Variants in XPNPEP3 observed in about 807,000 individuals in gnomAD.
XPNPEP3 encodes X-prolyl aminopeptidase 3.
Under a neutral mutation model 60.0 loss-of-function variants are expected in XPNPEP3, and 41 were observed. The observed-to-expected ratio is 0.68, with a 90% CI of 0.53 to 0.89. The LOEUF is 0.89. XPNPEP3 is among the 40% of genes least tolerant of loss of function. The pLI, the probability that XPNPEP3 is intolerant of heterozygous loss-of-function variation, is 0.00. For missense variants in XPNPEP3, 598 were observed against 638.9 expected, an observed-to-expected ratio of 0.94 and a Z score of 0.69; for synonymous variants, 212 against 223.2, an observed-to-expected ratio of 0.95 and a Z score of 0.45.
chr22:40,926,204 T>TA, intron 9 of XPNPEP3, 65 bp from the exon 10 acceptor site: 1 of 1,578,950 alleles, frequency 6.3e-7, no homozygotes, highest in Non-Finnish European at 8.7e-7. Flanking sequence ...GAGGTTAACT[T>TA]ACTTGCCCCA....
chr22:40,929,565 T>G lies in XPNPEP3; in HGVS notation c.*3130T>G, dbSNP rs1287822544. On this transcript the variant is annotated 3_prime_UTR_variant, in exon 10 of 10. Transcript: ENST00000357137. ...GTATGTATAGCAGCATACTTGGACA[T>G]GAAACACACTTCTGGTTAGATTCCA... 6.6e-6 allele frequency: 1 copy of G among 152,190 alleles called. No homozygotes were observed. Among genetic ancestry groups the G allele is most frequent in the Non-Finnish European group, 1.5e-5 (1 of 68,040 alleles). The allele number at this position is 152,190 out of a possible 1,614,324, so 9.4% of individuals were successfully genotyped here.
At chr22:40,908,990 A>G in intron 5 of XPNPEP3, 132 bp from the exon 6 acceptor site, 5 of 736,428 alleles carry the variant, frequency 6.8e-6, no homozygotes, top group Admixed American at 2.0e-5. Context: ...AGGTTTGGTT[A>G]GATATGATGA....
chr22:40,860,693 C>G (rs1431044086), intron 1 of XPNPEP3: 3 of 1,170,044 alleles, frequency 2.6e-6, no homozygotes, highest in Non-Finnish European at 3.6e-6. Context: ...TACTTTGTCA[C>G]CCAAGCTGGA....
rs772917522 is a variant in XPNPEP3, at chr22:40,924,435, C to A, written c.1310C>A (p.Pro437His). Residue 437 changes from proline to histidine, a missense_variant, in exon 9 of 10, where the codon CCC becomes CAC. By Grantham distance (77) the Pro-to-His change is moderately conservative. Coordinates refer to ENST00000357137, the MANE Select transcript of XPNPEP3 (RefSeq NM_022098.4). ...GMDVHDTPDM[P>H]RSLPLQPGMV... is the part of the protein sequence containing the mutation. ...GATGTCCATGACACTCCAGACATGC[C>A]CCGTTCCCTCCCTCTGCAGCCTGGG... The A allele has an allele frequency of 6.2e-7, 1 of 1,614,126 alleles. No homozygotes were observed. Among genetic ancestry groups the A allele is most frequent in the South Asian group, 1.1e-5 (1 of 91,072 alleles).
At chr22:40,895,177 A>G (rs1418373930) in intron 4 of XPNPEP3, among the ~76,000 whole-genome samples, 1 of 152,134 alleles carries the variant, frequency 6.6e-6, no homozygotes, top group Non-Finnish European at 1.5e-5. Flanking sequence ...CCTAGGAGGA[A>G]AAGACTACTT....
Position 40,929,818 on chromosome 22 carries a change from C to T in XPNPEP3, c.*3383C>T, listed in dbSNP as rs1056846616. ...TGATCTTACTCATTCTCAGCCATGCCGCAGACATACCCATTTCCCTTTAGT... is the reference window on the plus strand; with the variant it reads ...TGATCTTACTCATTCTCAGCCATGCTGCAGACATACCCATTTCCCTTTAGT... On this transcript the variant is annotated 3_prime_UTR_variant, in exon 10 of 10. Transcript: ENST00000357137. 16 of 152,110 alleles carry T rather than the reference C, an allele frequency of 1.1e-4. No homozygotes were observed. Among genetic ancestry groups the T allele is most frequent in the African/African-American group, 3.4e-4 (14 of 41,424 alleles). 9.4% of individuals were successfully genotyped at this position (152,110 alleles called of 1,614,324 possible). A position where few individuals can be genotyped will look rare whatever the true frequency, so the allele number is the denominator to read the frequency against.
At chr22:40,913,657 C>T (rs1367545692) in intron 6 of XPNPEP3, among the ~76,000 whole-genome samples, 2 of 151,818 alleles carry the variant, frequency 1.3e-5, no homozygotes, top group African/African-American at 4.8e-5. Context: ...GTAATTCAGT[C>T]CCAAGGAGTC....
chr22:40,912,057 T>A (rs142210836), intron 6 of XPNPEP3, among the ~76,000 whole-genome samples: 13 of 152,328 alleles, frequency 8.5e-5, no homozygotes, highest in African/African-American at 2.6e-4. Flanking sequence ...CAGTGCCAAT[T>A]TTCTATTTAT....
At chr22:40,861,677 T>C (rs908098947) in intron 1 of XPNPEP3, 2 of 1,614,094 alleles carry the variant, frequency 1.2e-6, no homozygotes, top group South Asian at 1.1e-5. Context: ...GAAAAGAAAA[T>C]GGATCCCTTT....
chr22:40,909,635 C>T (rs915034404), intron 6 of XPNPEP3, among the ~76,000 whole-genome samples: 7 of 151,890 alleles, frequency 4.6e-5, no homozygotes, highest in African/African-American at 1.2e-4. Flanking sequence ...CGTGGTGGCA[C>T]GTGCTTGTAA....
intron 1 of XPNPEP3, chr22:40,862,481 A>C (rs887400449): frequency 1.2e-5 from 12 of 985,928 alleles, no homozygotes; most frequent in Non-Finnish European, 1.4e-5. Flanking sequence ...GAAAGTATTC[A>C]AACAGTTGAC....
intron 7 of XPNPEP3, among the ~76,000 whole-genome samples, chr22:40,921,921 G>C (rs1393602107): frequency 6.6e-6 from 1 of 151,700 alleles, no homozygotes; most frequent in Non-Finnish European, 1.5e-5. Context: ...ATGTTGACTA[G>C]TTTATCCCAT....
At chr22:40,917,206 A>G (rs896678436) in intron 7 of XPNPEP3, 23 of 152,394 alleles carry the variant, frequency 1.5e-4, no homozygotes, top group South Asian at 4.1e-4. Flanking sequence ...GCAGTCCACT[A>G]TGTTGATCAG....
intron 2 of XPNPEP3, 56 bp from the exon 3 acceptor site, chr22:40,881,714 T>G: frequency 6.3e-7 from 1 of 1,593,462 alleles, no homozygotes; most frequent in Non-Finnish European, 8.6e-7. Context: ...TTAAACTACC[T>G]TAAGTACTTT....
At chr22:40,870,174 T>C in intron 2 of XPNPEP3, 1 of 439,608 alleles carries the variant, frequency 2.3e-6, no homozygotes, top group South Asian at 1.6e-5. Context: ...GTATTAATTT[T>C]AGTATTTATC....
intron 4 of XPNPEP3, among the ~76,000 whole-genome samples, chr22:40,897,480 G>C (rs547488081): frequency 6.6e-6 from 1 of 151,596 alleles, no homozygotes; most frequent in Non-Finnish European, 1.5e-5. Context: ...AGAATTGTTA[G>C]ATCTGTGGTG....
chr22:40,907,604 G>A lies in XPNPEP3; in HGVS notation c.810G>A (p.Met270Ile), dbSNP rs374582090. Residue 270 changes from methionine (M) to isoleucine (I), a missense_variant, in exon 5 of 10, where the codon ATG becomes ATA. Physicochemically the swap from Met to Ile is conservative, Grantham distance 10. Coordinates refer to ENST00000357137, the MANE Select transcript of XPNPEP3 (RefSeq NM_022098.4). ...KLTSQAFIET[M>I]FTSKAPVEEA... Reference sequence around the variant, plus strand: ...CTTTGCAGGCTTTCATAGAAACCATGTTCACCAGTAAAGCCCCTGTGGAAG... The same window carrying A: ...CTTTGCAGGCTTTCATAGAAACCATATTCACCAGTAAAGCCCCTGTGGAAG... 2 of 1,614,052 alleles carry A rather than the reference G, an allele frequency of 1.2e-6. No individual in the cohort carries two copies. The highest frequency in any genetic ancestry group is 1.7e-6 in the Non-Finnish European group (2 of 1,179,958).
chr22:40,919,455 T>A (rs1032366154), intron 7 of XPNPEP3, among the ~76,000 whole-genome samples: 3 of 152,142 alleles, frequency 2.0e-5, no homozygotes, highest in African/African-American at 7.2e-5. Context: ...CTTGGTTGGC[T>A]GAGGCAGAGA....
intron 2 of XPNPEP3, among the ~76,000 whole-genome samples, chr22:40,874,632 C>G (rs138161559): frequency 1.3e-5 from 2 of 152,050 alleles, no homozygotes; most frequent in African/African-American, 4.8e-5. Flanking sequence ...CACTATGTTG[C>G]CCAGGCTGGT....
Sources: allele counts gnomAD v4.1 joint callset (sites outside exome capture counted in the v4.1 genomes callset), GRCh38; gene constraint gnomAD v4.1.1; transcripts MANE v1.5; gene names NCBI Gene and HGNC (gene_info 2026-07-23, HGNC 2026-07-21).